Variants in PITPNC1 observed in about 807,000 individuals in gnomAD.
The protein encoded by PITPNC1 is phosphatidylinositol transfer protein cytoplasmic 1.
In PITPNC1, 18 loss-of-function variants were observed where a neutral mutation model predicts 44.7. The ratio of observed to expected loss-of-function variants is 0.40; its 90% CI spans 0.28 to 0.60. The LOEUF is 0.60. Among genes scored for constraint, PITPNC1 ranks in the 20% least tolerant of loss-of-function variants. The probability of loss-of-function intolerance (pLI) is 0.39; values close to 1 mark genes in which losing one functional copy is unlikely to be tolerated. For missense variants in PITPNC1, 290 were observed against 418.4 expected, an observed-to-expected ratio of 0.69 and a Z score of 2.68; for synonymous variants, 141 against 149.6, an observed-to-expected ratio of 0.94 and a Z score of 0.42.
chr17:67,684,394 T>A (rs1374767739), intron 8 of PITPNC1, among the ~76,000 whole-genome samples: 1 of 152,016 alleles, frequency 6.6e-6, no homozygotes, highest in African/African-American at 2.4e-5. Context: ...ATTACAGGCA[T>A]AAGCCACCCT....
At chr17:67,420,650 T>A (rs2038659925) in intron 1 of PITPNC1, among the ~76,000 whole-genome samples, 1 of 152,118 alleles carries the variant, frequency 6.6e-6, no homozygotes, top group African/African-American at 2.4e-5. Context: ...CAGGCTGGTC[T>A]TGAACTCCTG....
intron 6 of PITPNC1, among the ~76,000 whole-genome samples, chr17:67,651,494 C>G (rs1464700459): frequency 1.3e-5 from 2 of 150,590 alleles, no homozygotes; most frequent in African/African-American, 4.9e-5. Flanking sequence ...GCCCAGGTGA[C>G]AGAATGAGAC....
chr17:67,511,145 T>C (rs542799840), intron 1 of PITPNC1, among the ~76,000 whole-genome samples: 94 of 152,282 alleles, frequency 6.2e-4, no homozygotes, highest in Non-Finnish European at 2.5e-4. Flanking sequence ...ATTATGCAAC[T>C]GGGGCATCTT....
rs57527613 is a variant in PITPNC1, at chr17:67,628,373, G to C, written c.367-3770G>C. On this transcript the variant is annotated intron_variant, in intron 5 of 8. Coordinates refer to ENST00000581322, the MANE Select transcript of PITPNC1 (RefSeq NM_012417.4). Reference sequence around the variant, plus strand: ...GTATGCAATGGGTGTATCAGTCAGGGCCCAATCAGGAGATAGAAACCATGC... The same window carrying C: ...GTATGCAATGGGTGTATCAGTCAGGCCCCAATCAGGAGATAGAAACCATGC... 3.9e-5 allele frequency among the ~76,000 whole-genome samples: 6 copies of C among 152,112 alleles called. No homozygotes were observed. The East Asian group carries it at 1.2e-3, about 29-fold the overall frequency.
Position 67,693,161 on chromosome 17 carries a change from G to C in PITPNC1, c.*273G>C. ...TGCCAGAGAGGAAGCCTTGTTATTG[G>C]GCATTTGATGAGGTTTGGCATGGAC... On this transcript the variant is annotated 3_prime_UTR_variant, in exon 9 of 9. Transcript: ENST00000581322. The C allele has an allele frequency of 2.8e-6, 1 of 351,532 alleles. No homozygotes were observed. The highest frequency in any genetic ancestry group is 5.1e-6 in the Non-Finnish European group (1 of 197,524). The allele number at this position is 351,532 out of a possible 1,614,324, so 21.8% of individuals were successfully genotyped here. A position where few individuals can be genotyped will look rare whatever the true frequency, so the allele number is the denominator to read the frequency against.
At position 67,652,388 on chromosome 17, in the gene PITPNC1, T is replaced by C. The variant is rs150058476; in HGVS notation, c.463-17120T>C. On this transcript the variant is annotated intron_variant, in intron 6 of 8. Transcript: ENST00000581322. ...TGCTCTGCCTTGTCCCAGTGCGAGA[T>C]GGATGAGGCCTGCAGGTGTGGCTGA... Among the ~76,000 whole-genome samples the C allele has an allele frequency of 9.2e-5, 14 of 152,284 alleles. 1 individual carries two copies. In the East Asian group the frequency reaches 2.1e-3, roughly 23 times the overall value.
chr17:67,631,657 A>AAAAATATATATATATATATATAT (rs1555574522), intron 5 of PITPNC1, among the ~76,000 whole-genome samples: 2 of 7,682 alleles, frequency 2.6e-4, no homozygotes, highest in Non-Finnish European at 5.9e-4. Flanking sequence ...AAAAAAAAAA[A>AAAAATATATATATATATATATAT]ATATATATAT....
chr17:67,639,494 T>C (rs138462970), intron 6 of PITPNC1, among the ~76,000 whole-genome samples: 4 of 152,276 alleles, frequency 2.6e-5, no homozygotes, highest in African/African-American at 9.6e-5. Flanking sequence ...GTAAGTTGAA[T>C]AGGGGAAATT....
chr17:67,588,510 G>A (rs954405180), intron 5 of PITPNC1, among the ~76,000 whole-genome samples: 4 of 152,092 alleles, frequency 2.6e-5, no homozygotes, highest in Non-Finnish European at 4.4e-5. Flanking sequence ...CCCAGGGCAC[G>A]AAGCCTCCCT....
At chr17:67,522,644 A>G (rs1314253058) in intron 1 of PITPNC1, among the ~76,000 whole-genome samples, 2 of 126,206 alleles carry the variant, frequency 1.6e-5, no homozygotes, top group African/African-American at 8.6e-5. Flanking sequence ...ATATCATAAA[A>G]TTTACCATTT....
chr17:67,586,425 C>CA (rs33998127), intron 5 of PITPNC1, among the ~76,000 whole-genome samples: 8,384 of 110,540 alleles, frequency 0.076, 396 homozygotes, highest in African/African-American at 0.14. Flanking sequence ...GTTTCTACTT[C>CA]AAAAAAAAAA....
chr17:67,433,799 A>T (rs1158312966), intron 1 of PITPNC1, among the ~76,000 whole-genome samples: 1 of 152,092 alleles, frequency 6.6e-6, no homozygotes, highest in African/African-American at 2.4e-5. Flanking sequence ...AGGCTGACGC[A>T]GGAGGATCAC....
intron 1 of PITPNC1, among the ~76,000 whole-genome samples, chr17:67,398,335 T>A (rs1748114645): frequency 6.6e-6 from 1 of 152,134 alleles, no homozygotes; most frequent in South Asian, 2.1e-4. Context: ...TTGGAAAGCA[T>A]TTTTTTCTTC....
At chr17:67,478,046 C>T (rs2039655194) in intron 1 of PITPNC1, among the ~76,000 whole-genome samples, 2 of 152,126 alleles carry the variant, frequency 1.3e-5, no homozygotes, top group East Asian at 3.9e-4. Context: ...CTTACATTAC[C>T]TCTAGCTCAG....
At position 67,608,531 on chromosome 17, in the gene PITPNC1, C is replaced by G. The variant is rs748164533; in HGVS notation, c.367-23612C>G. Among the ~76,000 whole-genome samples, 79 of 150,064 alleles carry G rather than the reference C, an allele frequency of 5.3e-4. 1 individual carries two copies. The highest frequency in any genetic ancestry group is 3.4e-3 in the Middle Eastern group (1 of 292). ...TTGAGACAGAGTTTCACTCCTGTTGCCCAGTCTGGAGTGCAATGGTGCGAT... is the reference window on the plus strand; with the variant it reads ...TTGAGACAGAGTTTCACTCCTGTTGGCCAGTCTGGAGTGCAATGGTGCGAT... On this transcript the variant is annotated intron_variant, in intron 5 of 8. Coordinates refer to ENST00000581322, the MANE Select transcript of PITPNC1 (RefSeq NM_012417.4).
chr17:67,438,039 T>G (rs58085324), intron 1 of PITPNC1, among the ~76,000 whole-genome samples: 37 of 149,480 alleles, frequency 2.5e-4, no homozygotes, highest in African/African-American at 8.9e-4. Context: ...CTGCACTCCA[T>G]CCTGGGCGGC....
intron 1 of PITPNC1, among the ~76,000 whole-genome samples, chr17:67,410,036 T>C (rs1054648879): frequency 7.9e-5 from 12 of 152,218 alleles, no homozygotes; most frequent in African/African-American, 2.9e-4. Context: ...AGTGTGTGCA[T>C]GTGTTCTCCA....
chr17:67,599,044 T>A (rs1159468043), intron 5 of PITPNC1, among the ~76,000 whole-genome samples: 19 of 79,996 alleles, frequency 2.4e-4, no homozygotes, highest in East Asian at 3.2e-4. Context: ...ATTTTTTTTT[T>A]TTTTTTTTTT....
At chr17:67,583,699 CT>C (rs201183445) in intron 5 of PITPNC1, among the ~76,000 whole-genome samples, 8,424 of 139,028 alleles carry the variant, frequency 0.061, 414 homozygotes, top group East Asian at 0.28. Flanking sequence ...CATTGGGATT[CT>C]TTTTTTTTTT....
Sources: allele counts gnomAD v4.1 joint callset (sites outside exome capture counted in the v4.1 genomes callset), GRCh38; gene constraint gnomAD v4.1.1; transcripts MANE v1.5; gene names NCBI Gene and HGNC (gene_info 2026-07-23, HGNC 2026-07-21).